Variants in RSPO2 observed in about 807,000 individuals in gnomAD.
RSPO2 encodes R-spondin 2.
Under a neutral mutation model 30.9 loss-of-function variants are expected in RSPO2, and 14 were observed. The ratio of observed to expected loss-of-function variants is 0.45; its 90% confidence interval spans 0.30 to 0.71. The LOEUF (loss-of-function observed/expected upper bound fraction) is 0.71. Ranked by LOEUF, RSPO2 falls within the 30% of genes least tolerant of loss-of-function variation. The probability of loss-of-function intolerance (pLI) is 0.08; values close to 1 mark genes in which losing one functional copy is unlikely to be tolerated. For missense variants in RSPO2, 264 were observed against 301.9 expected (o/e 0.87, Z 0.93); for synonymous variants, 107 against 96.4 (o/e 1.11, Z -0.64).
intron 2 of RSPO2, among the ~76,000 whole-genome samples, chr8:108,006,789 T>C (rs1815467428): frequency 6.6e-6 from 1 of 152,190 alleles, no homozygotes; most frequent in African/African-American, 2.4e-5. Flanking sequence ...TATCATTATT[T>C]AAAAAATAAT....
At chr8:108,042,056 G>A (rs1005627866) in intron 2 of RSPO2, among the ~76,000 whole-genome samples, 1 of 152,124 alleles carries the variant, frequency 6.6e-6, no homozygotes, top group African/African-American at 2.4e-5. Context: ...TGATGGTAAG[G>A]AACAGTTCAG....
At chr8:108,071,996 G>A (rs1438182723) in intron 2 of RSPO2, among the ~76,000 whole-genome samples, 2 of 152,156 alleles carry the variant, frequency 1.3e-5, no homozygotes, top group African/African-American at 2.4e-5. Flanking sequence ...GACAGTAAAA[G>A]AGCAGGGAAT....
chr8:108,029,213 T>A (rs1811335527), intron 2 of RSPO2, among the ~76,000 whole-genome samples: 1 of 151,910 alleles, frequency 6.6e-6, no homozygotes, highest in Non-Finnish European at 1.5e-5. Context: ...CTTATTCCTT[T>A]ACATATTGTT....
At chr8:107,923,052 T>G (rs1812232538) in intron 5 of RSPO2, among the ~76,000 whole-genome samples, 1 of 151,938 alleles carries the variant, frequency 6.6e-6, no homozygotes, top group Non-Finnish European at 1.5e-5. Flanking sequence ...GAAAAGCAAT[T>G]ACAACAAAAG....
intron 2 of RSPO2, among the ~76,000 whole-genome samples, chr8:108,028,104 G>A (rs1364644750): frequency 2.0e-5 from 3 of 151,816 alleles, no homozygotes; most frequent in Non-Finnish European, 4.4e-5. Flanking sequence ...AGGACTGGGC[G>A]GTTCCCAGGA....
intron 2 of RSPO2, among the ~76,000 whole-genome samples, chr8:108,027,236 C>T (rs542331013): frequency 6.6e-6 from 1 of 152,318 alleles, no homozygotes; most frequent in East Asian, 1.9e-4. Flanking sequence ...ACATTTTCCT[C>T]TTGGGATTCT....
chr8:107,978,934 T>C (rs1814319710), intron 3 of RSPO2, among the ~76,000 whole-genome samples: 1 of 152,176 alleles, frequency 6.6e-6, no homozygotes, highest in African/African-American at 2.4e-5. Flanking sequence ...GAAAAAATGC[T>C]CATCATCACT....
At chr8:107,919,368 G>A (rs1265547461) in intron 5 of RSPO2, among the ~76,000 whole-genome samples, 1 of 152,114 alleles carries the variant, frequency 6.6e-6, no homozygotes, top group Non-Finnish European at 1.5e-5. Flanking sequence ...CTAACTTTGG[G>A]ATGAACTTAG....
At chr8:108,035,844 G>A (rs954293381) in intron 2 of RSPO2, among the ~76,000 whole-genome samples, 9 of 152,060 alleles carry the variant, frequency 5.9e-5, no homozygotes, top group Non-Finnish European at 1.0e-4. Context: ...ATTGGGAACT[G>A]GGCTCTTGAG....
At chr8:107,983,865 G>C in intron 3 of RSPO2, 1 of 1,549,388 alleles carries the variant, frequency 6.5e-7, no homozygotes, top group East Asian at 2.2e-5. Context: ...AGCAAATACT[G>C]GGAAAGCCAA....
chr8:108,029,458 T>A (rs1811344999), intron 2 of RSPO2, among the ~76,000 whole-genome samples: 1 of 152,148 alleles, frequency 6.6e-6, no homozygotes, highest in Non-Finnish European at 1.5e-5. Flanking sequence ...TGAAAGTAAA[T>A]TCCTGTAGGC....
chr8:108,070,544 G>A (rs548091442), intron 2 of RSPO2, among the ~76,000 whole-genome samples: 12 of 151,938 alleles, frequency 7.9e-5, no homozygotes, highest in East Asian at 3.9e-4. Flanking sequence ...CACCCGCCTC[G>A]GCCTCCCAAA....
At chr8:108,015,910 G>A (rs964412982) in intron 2 of RSPO2, among the ~76,000 whole-genome samples, 10 of 152,166 alleles carry the variant, frequency 6.6e-5, no homozygotes, top group Middle Eastern at 3.4e-3. Context: ...GCCAACTATC[G>A]GCACCTATGA....
chr8:107,911,314 T>A (rs1811819774), intron 5 of RSPO2, among the ~76,000 whole-genome samples: 1 of 152,176 alleles, frequency 6.6e-6, no homozygotes, highest in South Asian at 2.1e-4. Flanking sequence ...AGCTCTTGGA[T>A]GGATCACTCC....
chr8:107,911,479 A>C (rs1266074982), intron 5 of RSPO2, among the ~76,000 whole-genome samples: 1 of 152,214 alleles, frequency 6.6e-6, no homozygotes, highest in Non-Finnish European at 1.5e-5. Context: ...TGGACTAGAC[A>C]CTTTTTCTAA....
At chr8:107,986,738 T>C (rs1031035954) in intron 3 of RSPO2, among the ~76,000 whole-genome samples, 3 of 151,994 alleles carry the variant, frequency 2.0e-5, no homozygotes, top group African/African-American at 7.2e-5. Flanking sequence ...TAAATGTTTC[T>C]ATCCATCTAC....
rs976063321 is a variant in RSPO2, at chr8:108,060,084, T to C, written c.94+22461A>G. Among the ~76,000 whole-genome samples the C allele has an allele frequency of 4.0e-5, 6 of 151,824 alleles. No individual in the cohort carries two copies. In the South Asian group the frequency reaches 1.2e-3, roughly 32 times the overall value. ...GATGGCCAAATAGGAACAGCTCCAG[T>C]CTACAGCTCCCAGCATGGTCGGAGC... is the stretch of plus-strand genomic sequence containing the variant. On this transcript the variant is annotated intron_variant, in intron 2 of 5. Coordinates refer to ENST00000276659, the MANE Select transcript of RSPO2 (RefSeq NM_178565.5).
intron 2 of RSPO2, among the ~76,000 whole-genome samples, chr8:108,021,014 G>A (rs73321415): frequency 0.092 from 13,980 of 152,126 alleles, 1,172 homozygotes; most frequent in African/African-American, 0.22. Context: ...GTTCCTTTCA[G>A]TTAGCAAGTT....
chr8:107,914,155 T>C (rs1037725440), intron 5 of RSPO2, among the ~76,000 whole-genome samples: 1 of 152,094 alleles, frequency 6.6e-6, no homozygotes, highest in African/African-American at 2.4e-5. Flanking sequence ...TTATGATGAA[T>C]ACAAAACAAA....
Sources: gnomAD v4.1 joint callset for allele counts (sites outside exome capture counted in the v4.1 genomes callset) on GRCh38, gnomAD v4.1.1 for gene constraint, MANE v1.5 for transcripts, NCBI Gene and HGNC (gene_info 2026-07-23, HGNC 2026-07-21) for gene names.